TNFSF4: variants seen among roughly 807,000 people sequenced by gnomAD.
TNFSF4 encodes the protein TNF superfamily member 4, also known as tumor necrosis factor ligand superfamily member 4.
TNFSF4 carries 4 observed loss-of-function variants against 7.3 expected under a neutral mutation model. The observed-to-expected ratio is 0.55, with a 90% CI of 0.27 to 1.25. TNFSF4 has a LOEUF of 1.25. TNFSF4 is among the 50% of genes most tolerant of loss of function. The pLI is 0.12. For missense variants in TNFSF4, 181 were observed against 208.8 expected, an observed-to-expected ratio of 0.87 and a Z score of 0.82; for synonymous variants, 76 against 83.7, an observed-to-expected ratio of 0.91 and a Z score of 0.50.
rs1045440622 is a variant in TNFSF4, at chr1:173,183,790, T to C, written c.*2726A>G. The C allele has an allele frequency of 6.6e-6, 1 of 152,182 alleles. No individual in the cohort carries two copies. The highest frequency in any genetic ancestry group is 1.5e-5 in the Non-Finnish European group (1 of 68,036). The allele number at this position is 152,182 out of a possible 1,614,324, so 9.4% of individuals were successfully genotyped here. ...TAAATAGCAATATTACTATTAACTA[T>C]ATTATTAATATCAATATTAATACTC... On this transcript the variant is annotated 3_prime_UTR_variant, in exon 3 of 3. Coordinates refer to ENST00000281834, the MANE Select transcript of TNFSF4 (RefSeq NM_003326.5).
At chr1:173,343,110 T>C in the TNFSF4 span, among the ~76,000 whole-genome samples, 40 of 152,212 alleles carry the variant, frequency 2.6e-4, no homozygotes, top group African/African-American at 9.2e-4. Context: ...CTTTCATTCA[T>C]TCATATGATC....
At chr1:173,200,658 T>G (rs1649905694) in intron 1 of TNFSF4, among the ~76,000 whole-genome samples, 1 of 152,220 alleles carries the variant, frequency 6.6e-6, no homozygotes, top group Non-Finnish European at 1.5e-5. Context: ...TCTTTATCAT[T>G]TTTGTAATAT....
chr1:173,439,838 GA>G, the TNFSF4 span, among the ~76,000 whole-genome samples: 1 of 152,048 alleles, frequency 6.6e-6, no homozygotes, highest in African/African-American at 2.4e-5. Context: ...CCAAAATTCA[GA>G]GGCTTGGGGG....
At chr1:173,180,224 A>G (rs949030882), downstream of TNFSF4, among the ~76,000 whole-genome samples, 1 of 152,216 alleles carries the variant, frequency 6.6e-6, no homozygotes, top group African/African-American at 2.4e-5. Flanking sequence ...GATATATTTC[A>G]GATCCATTCA....
the TNFSF4 span, among the ~76,000 whole-genome samples, chr1:173,252,317 C>G: frequency 6.6e-6 from 1 of 152,096 alleles, no homozygotes; most frequent in Non-Finnish European, 1.5e-5. Context: ...GTTGGAAGAA[C>G]GCTTAACAGC....
the TNFSF4 span, among the ~76,000 whole-genome samples, chr1:173,419,122 G>T: frequency 6.6e-6 from 1 of 152,240 alleles, no homozygotes; most frequent in African/African-American, 2.4e-5. Flanking sequence ...GGCAGATCAC[G>T]AGGTCAGGAG....
chr1:173,434,840 G>A, the TNFSF4 span, among the ~76,000 whole-genome samples: 1 of 152,224 alleles, frequency 6.6e-6, no homozygotes, highest in Non-Finnish European at 1.5e-5. Flanking sequence ...AATATCCAGA[G>A]AAATTCTCAG....
intron 1 of TNFSF4, among the ~76,000 whole-genome samples, chr1:173,202,890 T>C (rs1650006697): frequency 6.6e-6 from 1 of 152,090 alleles, no homozygotes; most frequent in Non-Finnish European, 1.5e-5. Flanking sequence ...TCCTCCTCCT[T>C]CTAGTATTAG....
chr1:173,317,279 T>G, the TNFSF4 span, among the ~76,000 whole-genome samples: 1 of 152,206 alleles, frequency 6.6e-6, no homozygotes, highest in Admixed American at 6.5e-5. Context: ...ATGTTAAATA[T>G]GCTCTGTAAG....
chr1:173,323,916 C>T, the TNFSF4 span, among the ~76,000 whole-genome samples: 1 of 152,164 alleles, frequency 6.6e-6, no homozygotes, highest in South Asian at 2.1e-4. Context: ...AGGGAGAATG[C>T]AACCAAGTTG....
chr1:173,204,396 C>T (rs1452515883), intron 1 of TNFSF4, among the ~76,000 whole-genome samples: 2 of 152,052 alleles, frequency 1.3e-5, no homozygotes, highest in Non-Finnish European at 2.9e-5. Flanking sequence ...AAATATTCTG[C>T]ATTTCCTGCA....
chr1:173,362,841 T>C, the TNFSF4 span: 6 of 439,712 alleles, frequency 1.4e-5, no homozygotes, highest in African/African-American at 4.1e-5. Flanking sequence ...AAGCTGAACA[T>C]TGGCTGCCAC....
chr1:173,348,914 T>A, the TNFSF4 span, among the ~76,000 whole-genome samples: 1 of 152,240 alleles, frequency 6.6e-6, no homozygotes, highest in Non-Finnish European at 1.5e-5. Flanking sequence ...TACCACAACC[T>A]AGCCTATCTT....
At chr1:173,377,961 TA>T in the TNFSF4 span, among the ~76,000 whole-genome samples, 4 of 152,220 alleles carry the variant, frequency 2.6e-5, no homozygotes, top group African/African-American at 9.6e-5. Flanking sequence ...AAAGTCCCAA[TA>T]CTAACAGCAG....
chr1:173,227,631 G>T, the TNFSF4 span, among the ~76,000 whole-genome samples: 1 of 152,194 alleles, frequency 6.6e-6, no homozygotes, highest in East Asian at 1.9e-4. Flanking sequence ...GCCAAAGCAG[G>T]GCGAGGCATC....
the TNFSF4 span, among the ~76,000 whole-genome samples, chr1:173,413,559 G>A: frequency 2.6e-5 from 4 of 152,314 alleles, no homozygotes; most frequent in Admixed American, 2.0e-4. Context: ...TCGGTGTGGA[G>A]GACTTGGTCA....
chr1:173,297,278 T>C, the TNFSF4 span, among the ~76,000 whole-genome samples: 1 of 151,770 alleles, frequency 6.6e-6, no homozygotes, highest in Admixed American at 6.6e-5. Flanking sequence ...CTTTAAGAAA[T>C]CTTGGGGGGC....
chr1:173,229,369 G>A, the TNFSF4 span, among the ~76,000 whole-genome samples: 1 of 152,164 alleles, frequency 6.6e-6, no homozygotes, highest in East Asian at 1.9e-4. Flanking sequence ...ATCCTTTACA[G>A]ACAAGCAAGT....
the TNFSF4 span, among the ~76,000 whole-genome samples, chr1:173,383,513 C>G: frequency 6.6e-6 from 1 of 152,182 alleles, no homozygotes; most frequent in South Asian, 2.1e-4. Flanking sequence ...TTCATTCATT[C>G]ACATATTGAA....
Sources: allele counts gnomAD v4.1 joint callset (sites outside exome capture counted in the v4.1 genomes callset), GRCh38; gene constraint gnomAD v4.1.1; transcripts MANE v1.5; gene names NCBI Gene and HGNC (gene_info 2026-07-23, HGNC 2026-07-21).